Variants in NIM1K observed in about 807,000 individuals in gnomAD.
NIM1K encodes the protein serine/threonine-protein kinase NIM1.
Under a neutral mutation model 37.1 loss-of-function variants are expected in NIM1K, and 35 were observed. The observed-to-expected ratio is 0.94, with a 90% confidence interval of 0.72 to 1.25. NIM1K has a LOEUF of 1.25. Ranked by LOEUF, NIM1K falls within the 50% of genes most tolerant of loss-of-function variation. The pLI, the probability that NIM1K is intolerant of heterozygous loss-of-function variation, is 0.00. For missense variants in NIM1K, 564 were observed against 548.0 expected (o/e 1.03, Z -0.29); for synonymous variants, 234 against 206.6 (o/e 1.13, Z -1.14).
chr5:43,275,615 G>A (rs543786167), intron 2 of NIM1K, among the ~76,000 whole-genome samples: 1 of 152,290 alleles, frequency 6.6e-6, no homozygotes, highest in African/African-American at 2.4e-5. Context: ...GACATTACAT[G>A]CCAGGCACTG....
intron 1 of NIM1K, chr5:43,195,013 A>G (rs1751891344): frequency 6.6e-6 from 1 of 152,240 alleles, no homozygotes; most frequent in African/African-American, 2.4e-5. Context: ...ATCCAACTTC[A>G]TTCTTTGAAT....
At chr5:43,224,945 T>G (rs1439507728) in intron 1 of NIM1K, among the ~76,000 whole-genome samples, 2 of 152,124 alleles carry the variant, frequency 1.3e-5, no homozygotes, top group Non-Finnish European at 2.9e-5. Context: ...CCACCTGCCT[T>G]GGCCTCCCAA....
intron 2 of NIM1K, among the ~76,000 whole-genome samples, chr5:43,250,881 A>G (rs1752858222): frequency 6.6e-6 from 1 of 152,208 alleles, no homozygotes; most frequent in African/African-American, 2.4e-5. Context: ...GCAGGATGGG[A>G]CAGTAGGAAA....
At chr5:43,271,276 G>A (rs7709116) in intron 2 of NIM1K, among the ~76,000 whole-genome samples, 151,987 of 152,242 alleles carry the variant, frequency 1, 75,866 homozygotes, top group Middle Eastern at 1. Flanking sequence ...CTTCTTCCCC[G>A]TATGCCAGCC....
chr5:43,217,051 G>GCATAC, intron 1 of NIM1K, among the ~76,000 whole-genome samples: 1 of 152,180 alleles, frequency 6.6e-6, no homozygotes, highest in East Asian at 1.9e-4. Context: ...AGAGAGTTGT[G>GCATAC]CATACACCAC....
At chr5:43,253,207 AATATATGTGTGTGTGTG>A (rs1561088012) in intron 2 of NIM1K, among the ~76,000 whole-genome samples, 2 of 77,830 alleles carry the variant, frequency 2.6e-5, no homozygotes, top group African/African-American at 8.8e-5. Context: ...TATATAATAT[AATATATGTGTGTGTGTG>A]TGTGTGTGTG....
chr5:43,200,071 G>A (rs148458172), intron 1 of NIM1K, among the ~76,000 whole-genome samples: 37 of 152,152 alleles, frequency 2.4e-4, no homozygotes, highest in Admixed American at 4.6e-4. Flanking sequence ...CAGAGACGGG[G>A]TTTCTTGGCC....
chr5:43,279,579 C>T (rs1400651183), intron 3 of NIM1K, among the ~76,000 whole-genome samples: 5 of 152,162 alleles, frequency 3.3e-5, no homozygotes, highest in Admixed American at 6.5e-5. Flanking sequence ...AAAGCATGGC[C>T]GGAAAGTCAG....
At chr5:43,262,669 C>T (rs1308794425) in intron 2 of NIM1K, among the ~76,000 whole-genome samples, 4 of 152,108 alleles carry the variant, frequency 2.6e-5, no homozygotes, top group African/African-American at 9.7e-5. Flanking sequence ...TGAGAGAGGG[C>T]ATCCCTGTCT....
chr5:43,250,797 G>T (rs757883855), intron 2 of NIM1K, among the ~76,000 whole-genome samples: 8 of 152,204 alleles, frequency 5.3e-5, no homozygotes, highest in Non-Finnish European at 1.2e-4. Flanking sequence ...CTGAGCAAAG[G>T]CTACTGCATA....
At chr5:43,206,827 C>T in intron 1 of NIM1K, 5 of 767,290 alleles carry the variant, frequency 6.5e-6, no homozygotes, top group Middle Eastern at 3.7e-4. Context: ...TTGGTGCACA[C>T]CTGGAAGGAC....
At chr5:43,234,242 T>TTTCTTTCA (rs1554014804) in intron 1 of NIM1K, among the ~76,000 whole-genome samples, 7 of 151,144 alleles carry the variant, frequency 4.6e-5, no homozygotes, top group African/African-American at 7.3e-5. Flanking sequence ...CGTGTCATTC[T>TTTCTTTCA]TTCATTCATT....
At chr5:43,231,199 C>T (rs1256137939) in intron 1 of NIM1K, among the ~76,000 whole-genome samples, 2 of 152,114 alleles carry the variant, frequency 1.3e-5, no homozygotes, top group South Asian at 2.1e-4. Context: ...AGCTTGTTGT[C>T]GCAGCTACTC....
At chr5:43,265,509 G>A (rs1753130604) in intron 2 of NIM1K, among the ~76,000 whole-genome samples, 1 of 152,138 alleles carries the variant, frequency 6.6e-6, no homozygotes. Flanking sequence ...ATTCTAGTTA[G>A]CCATTTGTCT....
chr5:43,249,328 A>T (rs1487270335), intron 2 of NIM1K, among the ~76,000 whole-genome samples: 1 of 151,706 alleles, frequency 6.6e-6, no homozygotes, highest in East Asian at 1.9e-4. Context: ...TCGGCCTCCC[A>T]AAGTGCTGGG....
At chr5:43,223,138 CAAAAAA>C (rs35802290) in intron 1 of NIM1K, among the ~76,000 whole-genome samples, 2 of 85,812 alleles carry the variant, frequency 2.3e-5, no homozygotes, top group African/African-American at 4.2e-5. Context: ...GACTCCATCT[CAAAAAA>C]AAAAAAAAAA....
At chr5:43,276,173 G>A (rs1390661863) in intron 2 of NIM1K, among the ~76,000 whole-genome samples, 1 of 152,178 alleles carries the variant, frequency 6.6e-6, no homozygotes, top group Non-Finnish European at 1.5e-5. Context: ...GATTACAGGC[G>A]TGAGCTGCCG....
rs569457682 is a variant in NIM1K, at chr5:43,249,260, G to T, written c.292+3193G>T. On this transcript the variant is annotated intron_variant, in intron 2 of 3. Transcript: ENST00000326035. ...AATTTTTTGTATTTTTAGTAGAGAC[G>T]GGGTTTCACCATGTTAGCTGGGATG... Among the ~76,000 whole-genome samples, 4 of 151,798 alleles carry T rather than the reference G, an allele frequency of 2.6e-5. No individual in the cohort carries two copies. The South Asian group carries it at 8.3e-4, about 32-fold the overall frequency.
chr5:43,265,885 G>A (rs6875597), intron 2 of NIM1K, among the ~76,000 whole-genome samples: 36,773 of 152,164 alleles, frequency 0.24, 5,046 homozygotes, highest in Middle Eastern at 0.43. Context: ...GTTTGCTGGA[G>A]GTCCACTTCA....
Sources: allele counts gnomAD v4.1 joint callset (sites outside exome capture counted in the v4.1 genomes callset), GRCh38; gene constraint gnomAD v4.1.1; transcripts MANE v1.5; gene names NCBI Gene and HGNC (gene_info 2026-07-23, HGNC 2026-07-21).